PALM2AKAP2: variants seen among roughly 807,000 people sequenced by gnomAD.
The protein encoded by PALM2AKAP2 is PALM2-AKAP2 fusion protein.
PALM2AKAP2 carries 37 observed loss-of-function variants against 71.5 expected under a neutral mutation model. That is an observed-to-expected ratio of 0.52 (90% CI 0.40 to 0.68). PALM2AKAP2 has a LOEUF of 0.68. Ranked by LOEUF, PALM2AKAP2 falls within the 30% of genes least tolerant of loss-of-function variation. PALM2AKAP2 has a pLI of 0.00. For synonymous variants in PALM2AKAP2, 468 were observed against 478.8 expected (o/e 0.98, Z 0.29); for missense variants, 1,224 against 1,191.8 (o/e 1.03, Z -0.40).
Position 110,025,311 on chromosome 9 carries a change from A to G in PALM2AKAP2, c.582+9272A>G, listed in dbSNP as rs181553063. 136 of 1,207,360 alleles carry G rather than the reference A, an allele frequency of 1.1e-4. No homozygotes were observed. In the African/African-American group the frequency reaches 1.9e-3, roughly 17 times the overall value. The allele number at this position is 1,207,360 out of a possible 1,614,324, so 74.8% of individuals were successfully genotyped here. A position where few individuals can be genotyped will look rare whatever the true frequency, so the allele number is the denominator to read the frequency against. On this transcript the variant is annotated intron_variant, in intron 7 of 9. Coordinates refer to the PALM2AKAP2 transcript ENST00000302798. ...CAACTCCATGTTTTCTAAAAGGCCT[A>G]GAGAACATATGTCGGGAGCCTCTCC... is the stretch of plus-strand genomic sequence containing the variant.
At chr9:110,077,925 A>T (rs1834355323) in intron 1 of PALM2AKAP2, among the ~76,000 whole-genome samples, 1 of 151,946 alleles carries the variant, frequency 6.6e-6, no homozygotes, top group Non-Finnish European at 1.5e-5. Context: ...GAGACAGGAG[A>T]ATCGCTTGAA....
chr9:109,657,749 A>T (rs1445028483), intron 1 of PALM2AKAP2, among the ~76,000 whole-genome samples: 1 of 152,136 alleles, frequency 6.6e-6, no homozygotes, highest in Non-Finnish European at 1.5e-5. Context: ...TGATGAGCAG[A>T]AGGCTAGGTA....
chr9:109,761,282 A>G (rs1829047864), intron 1 of PALM2AKAP2, among the ~76,000 whole-genome samples: 1 of 152,262 alleles, frequency 6.6e-6, no homozygotes, highest in Non-Finnish European at 1.5e-5. Flanking sequence ...GAATGTTTGA[A>G]GGCAGATGAA....
chr9:110,043,716 G>GTTTTT (rs61128628), upstream of PALM2AKAP2, among the ~76,000 whole-genome samples: 740 of 91,410 alleles, frequency 8.1e-3, 23 homozygotes, highest in African/African-American at 0.019. Context: ...TTTTTTTGGT[G>GTTTTT]TTTTTTTTTT....
intron 1 of PALM2AKAP2, among the ~76,000 whole-genome samples, chr9:109,774,682 C>T (rs11793263): frequency 0.26 from 39,304 of 151,090 alleles, 5,616 homozygotes; most frequent in South Asian, 0.42. Flanking sequence ...AAAAAGCCTA[C>T]ATAAAAGGGT....
In PALM2AKAP2 at chr9:109,832,297, C is replaced by A. The variant is rs190484152; in HGVS notation, c.46-35194C>A. Among the ~76,000 whole-genome samples, 46 of 152,310 alleles carry A rather than the reference C, an allele frequency of 3.0e-4. 2 individuals are homozygous for A. The East Asian group carries it at 7.9e-3, about 26-fold the overall frequency. On this transcript the variant is annotated intron_variant, in intron 1 of 9. Transcript: ENST00000302798. ...GTCGCTTACTAGTGTGTAAACATAG[C>A]TGAGATATATAATGTTTCTAAGCCT...
In PALM2AKAP2 at chr9:110,088,474, G is replaced by T. The variant is rs79093424; in HGVS notation, c.156+39619G>T. 2.3e-3 allele frequency among the ~76,000 whole-genome samples: 347 copies of T among 152,278 alleles called. 1 individual carries two copies. The Middle Eastern group carries it at 0.024, about 10-fold the overall frequency. ...CAGACATAATTTCAATTTTTCATCT[G>T]CCACACAAGAAAAGGGTGGGGGATT... is the stretch of plus-strand genomic sequence containing the variant. On this transcript the variant is annotated intron_variant, in intron 1 of 3. Coordinates refer to ENST00000374525, the Ensembl canonical transcript of PALM2AKAP2.
intron 2 of PALM2AKAP2, among the ~76,000 whole-genome samples, chr9:109,879,385 A>G (rs1829793491): frequency 6.6e-6 from 1 of 152,108 alleles, no homozygotes; most frequent in South Asian, 2.1e-4. Flanking sequence ...CTGCATCCTC[A>G]CTGTGGTCCC....
intron 1 of PALM2AKAP2, among the ~76,000 whole-genome samples, chr9:110,105,196 A>G (rs568550688): frequency 6.6e-6 from 1 of 152,348 alleles, no homozygotes; most frequent in African/African-American, 2.4e-5. Context: ...GCTCAAACGC[A>G]TATGTTCTCT....
chr9:110,054,032 A>G (rs1009247846), intron 1 of PALM2AKAP2, among the ~76,000 whole-genome samples: 1 of 152,242 alleles, frequency 6.6e-6, no homozygotes, highest in Admixed American at 6.5e-5. Context: ...AAAGCACCCT[A>G]GTGCCTCAGC....
exon 2 of PALM2AKAP2, chr9:110,136,822 G>A: frequency 6.2e-7 from 1 of 1,614,184 alleles, no homozygotes; most frequent in South Asian, 1.1e-5. Flanking sequence ...AGCTCTTTGA[G>A]GATGACGAGC....
chr9:110,087,224 A>C (rs989535826), intron 1 of PALM2AKAP2, among the ~76,000 whole-genome samples: 1 of 152,182 alleles, frequency 6.6e-6, no homozygotes, highest in African/African-American at 2.4e-5. Flanking sequence ...TCACCCCAGG[A>C]GGAGAAAGGT....
intron 6 of PALM2AKAP2, among the ~76,000 whole-genome samples, chr9:109,989,816 GC>G (rs1318981124): frequency 3.3e-5 from 5 of 152,268 alleles, no homozygotes; most frequent in East Asian, 1.9e-4. Context: ...ATAGATGGCT[GC>G]CCCCTCCACC....
chr9:110,140,851 GAC>G (rs1836010434), intron 2 of PALM2AKAP2, among the ~76,000 whole-genome samples: 1 of 152,114 alleles, frequency 6.6e-6, no homozygotes. Flanking sequence ...CTGGCCTAGT[GAC>G]TTTTGGACTG....
chr9:110,118,097 A>G (rs1266520457), intron 1 of PALM2AKAP2, among the ~76,000 whole-genome samples: 1 of 150,852 alleles, frequency 6.6e-6, no homozygotes, highest in Non-Finnish European at 1.5e-5. Context: ...CAATGCCACA[A>G]TGTTTGCAAC....
chr9:110,135,152 C>CAAAAAAAAAAAA (rs1198538795), intron 1 of PALM2AKAP2, among the ~76,000 whole-genome samples: 45 of 26,980 alleles, frequency 1.7e-3, no homozygotes, highest in Admixed American at 4.5e-3. Context: ...TCTGTCTCTA[C>CAAAAAAAAAAAA]AAAAAAAAAA....
intron 1 of PALM2AKAP2, among the ~76,000 whole-genome samples, chr9:109,865,603 A>G (rs1356179287): frequency 2.0e-5 from 3 of 152,196 alleles, no homozygotes; most frequent in Non-Finnish European, 2.9e-5. Flanking sequence ...CTGATGGAAC[A>G]AAGTCACAGC....
At chr9:110,009,480 C>T (rs1422624551) in intron 6 of PALM2AKAP2, among the ~76,000 whole-genome samples, 2 of 151,856 alleles carry the variant, frequency 1.3e-5, no homozygotes, top group Non-Finnish European at 2.9e-5. Flanking sequence ...TTTGGGAGGC[C>T]GAGGCGGGTG....
At chr9:109,762,733 G>T (rs1429168416) in intron 1 of PALM2AKAP2, among the ~76,000 whole-genome samples, 1 of 152,220 alleles carries the variant, frequency 6.6e-6, no homozygotes, top group African/African-American at 2.4e-5. Flanking sequence ...TCTTGCCTTG[G>T]AGCTGAGATA....
Sources: allele counts gnomAD v4.1 joint callset (sites outside exome capture counted in the v4.1 genomes callset), GRCh38; gene constraint gnomAD v4.1.1; transcripts MANE v1.5; gene names NCBI Gene and HGNC (gene_info 2026-07-23, HGNC 2026-07-21).